OPHN1: variants seen among roughly 807,000 people sequenced by gnomAD.
OPHN1 encodes the protein oligophrenin-1.
Under a neutral mutation model 60.7 loss-of-function variants are expected in OPHN1, and 11 were observed. That is an observed-to-expected ratio of 0.18 (90% CI 0.11 to 0.30). The LOEUF is 0.30. OPHN1 is among the 10% of genes least tolerant of loss of function. The pLI is 1.00. For synonymous variants in OPHN1, 226 were observed against 222.6 expected (o/e 1.02, Z -0.14); for missense variants, 449 against 611.0 (o/e 0.73, Z 2.80).
intron 15 of OPHN1, among the ~76,000 whole-genome samples, chrX:68,134,912 G>GA (rs1569222264): frequency 9.0e-6 from 1 of 111,036 alleles, no homozygotes. Flanking sequence ...GTTTTGAGCA[G>GA]GTAGAAGTAT....
intron 6 of OPHN1, among the ~76,000 whole-genome samples, chrX:68,217,076 G>A (rs917760473): frequency 1.1e-4 from 12 of 111,571 alleles, no homozygotes; most frequent in East Asian, 2.9e-4. Flanking sequence ...TGCGCGCACC[G>A]TGCGCGAGCC....
intron 2 of OPHN1, among the ~76,000 whole-genome samples, chrX:68,300,939 T>G (rs1023112609): frequency 6.3e-5 from 7 of 111,916 alleles, no homozygotes; most frequent in Non-Finnish European, 1.1e-4. Context: ...TTGCATCTAG[T>G]CTCCCTTTTC....
chrX:68,350,154 G>A (rs1343397871), intron 2 of OPHN1, among the ~76,000 whole-genome samples: 6 of 111,368 alleles, frequency 5.4e-5, no homozygotes, highest in Non-Finnish European at 5.7e-5. Flanking sequence ...AATATGTAAG[G>A]TGATGGATAC....
At chrX:68,169,844 G>A (rs1379157705) in intron 15 of OPHN1, among the ~76,000 whole-genome samples, 18 of 104,364 alleles carry the variant, frequency 1.7e-4, no homozygotes, top group Non-Finnish European at 3.3e-4. Flanking sequence ...GAAAACCTAG[G>A]CATTACCGTT....
chrX:68,160,089 T>C (rs2077327751), intron 15 of OPHN1, among the ~76,000 whole-genome samples: 1 of 109,150 alleles, frequency 9.2e-6, no homozygotes, highest in Admixed American at 9.9e-5. Context: ...AAGGGAGACA[T>C]ATATTATACA....
At chrX:68,284,769 A>G (rs2078033459) in intron 3 of OPHN1, among the ~76,000 whole-genome samples, 1 of 111,705 alleles carries the variant, frequency 9.0e-6, no homozygotes, top group South Asian at 3.8e-4. Context: ...TGCCTACTCT[A>G]GACATTTCTC....
At chrX:68,205,534 C>T (rs1164965188) in intron 10 of OPHN1, among the ~76,000 whole-genome samples, 1 of 111,557 alleles carries the variant, frequency 9.0e-6, no homozygotes, top group Non-Finnish European at 1.9e-5. Context: ...TTTTACAAGT[C>T]CATCCCATCA....
At position 68,111,704 on chromosome X, in the gene OPHN1, G is replaced by T. The variant is rs1252659655; in HGVS notation, c.1526+150C>A. ...TAAGAGGATATGTACATGGGTCAAG[G>T]CAAAATAGCCTTCCTCACAGAGCAT... On this transcript the variant is annotated intron_variant, in intron 18 of 24. Transcript: ENST00000355520. 6.2e-6 allele frequency: 3 copies of T among 481,464 alleles called. No homozygotes were observed. In the East Asian group the frequency reaches 1.1e-4, roughly 18 times the overall value. The allele number at this position is 481,464 out of a possible 1,213,427, so 39.7% of individuals were successfully genotyped here.
intron 2 of OPHN1, among the ~76,000 whole-genome samples, chrX:68,426,587 G>T: frequency 3.6e-5 from 1 of 27,582 alleles, no homozygotes; most frequent in East Asian, 1.8e-3. Flanking sequence ...CAGAGGCTGG[G>T]CGTGATGGCT....
chrX:68,314,892 A>C (rs1257193865), intron 2 of OPHN1, among the ~76,000 whole-genome samples: 1 of 107,935 alleles, frequency 9.3e-6, no homozygotes, highest in African/African-American at 3.4e-5. Context: ...AGGCTGAGGC[A>C]GGAGAACCGC....
chrX:68,248,214 G>T (rs1278510336), intron 5 of OPHN1, among the ~76,000 whole-genome samples: 1 of 110,651 alleles, frequency 9.0e-6, no homozygotes, highest in Non-Finnish European at 1.9e-5. Context: ...CACAGCAATT[G>T]TGATGCATTG....
intron 15 of OPHN1, among the ~76,000 whole-genome samples, chrX:68,132,606 A>G (rs1397556043): frequency 1.1e-5 from 1 of 93,892 alleles, no homozygotes; most frequent in Admixed American, 1.2e-4. Flanking sequence ...GCTAGATGAC[A>G]CGTTAGTGGG....
chrX:68,267,022 A>C (rs1232049649), intron 5 of OPHN1, among the ~76,000 whole-genome samples: 1 of 111,974 alleles, frequency 8.9e-6, no homozygotes, highest in Admixed American at 9.5e-5. Context: ...ACACAGATTC[A>C]TAAAGCAAGT....
intron 2 of OPHN1, among the ~76,000 whole-genome samples, chrX:68,342,778 T>C (rs1040286706): frequency 9.1e-6 from 1 of 109,386 alleles, no homozygotes; most frequent in Non-Finnish European, 1.9e-5. Flanking sequence ...ACCATCTTTA[T>C]AAAAAATAAA....
intron 2 of OPHN1, among the ~76,000 whole-genome samples, chrX:68,327,815 A>T (rs1472828472): frequency 9.6e-6 from 1 of 103,678 alleles, no homozygotes; most frequent in African/African-American, 4.0e-5. Context: ...AAAAAAAAAA[A>T]AATTTTAAAC....
intron 6 of OPHN1, among the ~76,000 whole-genome samples, chrX:68,232,097 C>T (rs1016908985): frequency 1.8e-5 from 2 of 111,384 alleles, no homozygotes; most frequent in Non-Finnish European, 3.8e-5. Context: ...CAAGATTGCC[C>T]TGCTCATTTT....
chrX:68,058,309 G>T (rs749737365), intron 21 of OPHN1, among the ~76,000 whole-genome samples: 22 of 109,831 alleles, frequency 2.0e-4, no homozygotes, highest in Non-Finnish European at 3.0e-4. Flanking sequence ...AATGACCCCT[G>T]CCCTCTAGGA....
chrX:68,328,285 C>A (rs945008262), intron 2 of OPHN1, among the ~76,000 whole-genome samples: 1 of 108,490 alleles, frequency 9.2e-6, no homozygotes, highest in Non-Finnish European at 1.9e-5. Context: ...CCTGCCACCA[C>A]GCCCGGCTAA....
chrX:68,346,175 GACTA>G (rs1413283248), intron 2 of OPHN1, among the ~76,000 whole-genome samples: 1 of 111,654 alleles, frequency 9.0e-6, no homozygotes, highest in Admixed American at 9.6e-5. Flanking sequence ...AAACCACAGA[GACTA>G]ACTATCAACA....
Sources: gnomAD v4.1 joint callset for allele counts (sites outside exome capture counted in the v4.1 genomes callset) on GRCh38, gnomAD v4.1.1 for gene constraint, MANE v1.5 for transcripts, NCBI Gene and HGNC (gene_info 2026-07-23, HGNC 2026-07-21) for gene names.